CD200R1: variants seen among roughly 807,000 people sequenced by gnomAD.
CD200R1 encodes the protein cell surface glycoprotein CD200 receptor 1.
A neutral mutation model predicts 38.1 loss-of-function variants in CD200R1; 30 were observed. That is an observed-to-expected ratio of 0.79 (90% CI 0.59 to 1.07). CD200R1 has a LOEUF of 1.07. CD200R1 is among the 50% of genes least tolerant of loss of function. The pLI is 0.00. For synonymous variants in CD200R1, 128 were observed against 152.1 expected (o/e 0.84, Z 1.16); for missense variants, 372 against 415.4 (o/e 0.90, Z 0.91).
intron 1 of CD200R1, among the ~76,000 whole-genome samples, chr3:112,972,720 G>A (rs1394091010): frequency 6.6e-6 from 1 of 152,086 alleles, no homozygotes; most frequent in African/African-American, 2.4e-5. Flanking sequence ...GAAGTTATAA[G>A]CAAATAAGTA....
intron 2 of CD200R1, among the ~76,000 whole-genome samples, chr3:112,932,713 A>G (rs766829899): frequency 6.6e-6 from 1 of 152,050 alleles, no homozygotes; most frequent in African/African-American, 2.4e-5. Flanking sequence ...CCAGACCTAC[A>G]TATCAGTTCC....
At chr3:112,924,004 T>G (rs16860239) in intron 7 of CD200R1, among the ~76,000 whole-genome samples, 6 of 151,898 alleles carry the variant, frequency 4.0e-5, no homozygotes, top group African/African-American at 1.4e-4. Context: ...TAAGTCTCTG[T>G]GTGGAGATAA....
At chr3:112,953,639 T>C (rs1194910690) in intron 1 of CD200R1, among the ~76,000 whole-genome samples, 3 of 152,182 alleles carry the variant, frequency 2.0e-5, no homozygotes, top group Non-Finnish European at 4.4e-5. Context: ...ACTGGGCTGT[T>C]CAATTTTTTT....
At chr3:112,937,725 A>T (rs1940618410) in intron 2 of CD200R1, among the ~76,000 whole-genome samples, 1 of 152,160 alleles carries the variant, frequency 6.6e-6, no homozygotes, top group Non-Finnish European at 1.5e-5. Flanking sequence ...TAATTCTGTG[A>T]ACAATGTCAA....
chr3:112,948,717 T>C (rs1940916872), intron 1 of CD200R1, among the ~76,000 whole-genome samples: 1 of 152,210 alleles, frequency 6.6e-6, no homozygotes, highest in South Asian at 2.1e-4. Context: ...ACCCGTGATA[T>C]AGACAATGGC....
intron 2 of CD200R1, among the ~76,000 whole-genome samples, chr3:112,932,351 A>G (rs1407096700): frequency 2.0e-5 from 3 of 152,124 alleles, no homozygotes; most frequent in African/African-American, 7.2e-5. Flanking sequence ...CCAGCCAGAG[A>G]AACAGTCTGG....
intron 1 of CD200R1, 97 bp downstream of exon 1, chr3:112,974,694 A>T: frequency 1.3e-6 from 1 of 797,780 alleles, no homozygotes; most frequent in Non-Finnish European, 2.2e-6. Context: ...TATTATTGCA[A>T]TTGATTTGTA....
chr3:112,946,079 TA>T (rs995807881), intron 2 of CD200R1, among the ~76,000 whole-genome samples: 6 of 140,172 alleles, frequency 4.3e-5, no homozygotes, highest in Non-Finnish European at 3.1e-5. Context: ...AGCCACATAC[TA>T]AAAAAAAAAT....
At chr3:112,960,295 C>A (rs1932985230) in intron 1 of CD200R1, among the ~76,000 whole-genome samples, 1 of 152,012 alleles carries the variant, frequency 6.6e-6, no homozygotes, top group African/African-American at 2.4e-5. Flanking sequence ...ACATGGTTTT[C>A]AAATGAAAAC....
intron 1 of CD200R1, among the ~76,000 whole-genome samples, chr3:112,961,726 GC>G (rs1435876916): frequency 6.6e-6 from 1 of 151,992 alleles, no homozygotes; most frequent in Non-Finnish European, 1.5e-5. Context: ...ATGTTGCCAA[GC>G]AAAAACCTGG....
rs1328090616 is a variant in CD200R1, at chr3:112,924,455, T to C, written c.924+35A>G. 4 of 1,288,868 alleles carry C rather than the reference T, an allele frequency of 3.1e-6. No individual in the cohort carries two copies. The African/African-American group carries it at 4.6e-5, about 15-fold the overall frequency. The allele number at this position is 1,288,868 out of a possible 1,614,324, so 79.8% of individuals were successfully genotyped here. ...TTGCTAGATTTTCAGACTATTGGCT[T>C]AAGTTTGCAATTAGTCTTTTTTATC... On this transcript the variant is annotated intron_variant, in intron 7 of 7. Transcript: ENST00000308611.
chr3:112,925,287 C>T (rs759202366), intron 5 of CD200R1, 94 bp from the exon 6 acceptor site: 171 of 628,550 alleles, frequency 2.7e-4, no homozygotes, highest in Non-Finnish European at 4.3e-4. Context: ...GCTATCAAAC[C>T]ATAAAAAGAC....
chr3:112,924,510 A>T lies in CD200R1; in HGVS notation c.904T>A (p.Ser302Thr). The T allele has an allele frequency of 7.8e-7, 1 of 1,284,348 alleles. No individual in the cohort carries two copies. The highest frequency in any genetic ancestry group is 1.0e-6 in the Non-Finnish European group (1 of 983,756). 79.6% of individuals were successfully genotyped at this position (1,284,348 alleles called of 1,614,324 possible). Residue 302 changes from serine to threonine, a missense_variant, in exon 7 of 8, where the codon TCT (serine) becomes ACT (threonine). Coordinates refer to ENST00000308611, the MANE Select transcript of CD200R1 (RefSeq NM_138806.4). ...CTTACCTCCTCAACAACTGGAGTAG[A>T]TTCTGTTTTATTCAATTTATATTTT... Reference protein sequence around the residue: ...CRKYKLNKTESTPVVEEDEMQ... With the variant: ...CRKYKLNKTETTPVVEEDEMQ...
Position 112,929,050 on chromosome 3 carries a change from T to G in CD200R1, c.535A>C (p.Thr179Pro), listed in dbSNP as rs750072895. 5 of 1,613,846 alleles carry G rather than the reference T, an allele frequency of 3.1e-6. No homozygotes were observed. The South Asian group carries it at 5.5e-5, about 18-fold the overall frequency. ...HLQVLVTPEV[T>P]LFQNRNRTAV... is the part of the protein sequence containing the mutation. ...GTTCTATTCCTGTTTTGAAACAGGGTCACTTCAGGTGTAACTGCAGAGAGG... is the reference window on the plus strand; with the variant it reads ...GTTCTATTCCTGTTTTGAAACAGGGGCACTTCAGGTGTAACTGCAGAGAGG... Residue 179 changes from threonine (T) to proline (P), a missense_variant, in exon 5 of 8, where the codon ACC (threonine) becomes CCC (proline). Physicochemically the swap from Thr to Pro is conservative, Grantham distance 38. Coordinates refer to ENST00000308611, the MANE Select transcript of CD200R1 (RefSeq NM_138806.4).
Position 112,928,947 on chromosome 3 carries a change from T to C in CD200R1, c.638A>G (p.Gln213Arg), listed in dbSNP as rs1940345388. The C allele has an allele frequency of 6.2e-7, 1 of 1,613,942 alleles. No individual in the cohort carries two copies. The highest frequency in any genetic ancestry group is 8.5e-7 in the Non-Finnish European group (1 of 1,180,016). ...CACTGTGCCATTGCTCCAGTATTCT[T>C]GCTTAGTGGCACAATCGCCCTCTGG... The part of the protein sequence containing the change: ...WIPEGDCATK[Q>R]EYWSNGTVTV... The change falls in exon 5 of 8, where the codon CAA (glutamine) becomes CGA (arginine). Residue 213 changes from glutamine (Q) to arginine (R), a missense_variant. Gln to Arg is a conservative substitution (Grantham distance 43, BLOSUM62 1). Coordinates refer to ENST00000308611, the MANE Select transcript of CD200R1 (RefSeq NM_138806.4).
In CD200R1 at chr3:112,925,210, A is replaced by T. The variant is rs1207946116; in HGVS notation, c.770-17T>A. 8.3e-7 allele frequency: 1 copy of T among 1,208,736 alleles called. No homozygotes were observed. The highest frequency in any genetic ancestry group is 1.2e-5 in the South Asian group (1 of 81,096). 74.9% of individuals were successfully genotyped at this position (1,208,736 alleles called of 1,614,324 possible). On this transcript the variant is annotated splice_polypyrimidine_tract_variant and intron_variant, in intron 5 of 7. Coordinates refer to ENST00000308611, the MANE Select transcript of CD200R1 (RefSeq NM_138806.4). ...CACCTGGAACTATAGACACAAAAATATATGGTTCAAATGTGGTACAATCCA... is the reference window on the plus strand; with the variant it reads ...CACCTGGAACTATAGACACAAAAATTTATGGTTCAAATGTGGTACAATCCA...
In CD200R1 at chr3:112,922,555, A is replaced by G. The variant is rs946471492; in HGVS notation, c.*1122T>C. The stretch of plus-strand genomic sequence containing the variant: ...TCACAATAGAATGTACACCATAAAA[A>G]TACACAATTCCAATGTAGCACATCT... On this transcript the variant is annotated 3_prime_UTR_variant, in exon 8 of 8. Coordinates refer to ENST00000308611, the MANE Select transcript of CD200R1 (RefSeq NM_138806.4). The G allele has an allele frequency of 6.6e-6, 1 of 152,006 alleles. No individual in the cohort carries two copies. Among genetic ancestry groups the G allele is most frequent in the Non-Finnish European group, 1.5e-5 (1 of 67,924 alleles). 9.4% of individuals were successfully genotyped at this position (152,006 alleles called of 1,614,324 possible).
At position 112,974,909 on chromosome 3, in the gene CD200R1, T is replaced by TA; in HGVS notation, c.-53dup. On this transcript the variant is annotated 5_prime_UTR_variant, in exon 1 of 8. It introduces an in-frame stop codon into an upstream open reading frame of the 5' UTR. Transcript: ENST00000308611. ...ACTCAGTACTTTTCCTCCACACAGGTACAGAAGGAACTGTGCGCATGGTGA... is the reference window on the plus strand; with the variant it reads ...ACTCAGTACTTTTCCTCCACACAGGTAACAGAAGGAACTGTGCGCATGGTGA... The TA allele has an allele frequency of 7.1e-7, 1 of 1,417,004 alleles. No individual in the cohort carries two copies. The highest frequency in any genetic ancestry group is 1.0e-6 in the Non-Finnish European group (1 of 1,002,318). 87.8% of individuals were successfully genotyped at this position (1,417,004 alleles called of 1,614,324 possible).
intron 2 of CD200R1, among the ~76,000 whole-genome samples, chr3:112,935,775 C>T (rs201171693): frequency 1.3e-5 from 2 of 152,198 alleles, no homozygotes; most frequent in African/African-American, 2.4e-5. Context: ...AAACCAACAA[C>T]AAAAAAGTTT....
Sources: gnomAD v4.1 joint callset for allele counts (sites outside exome capture counted in the v4.1 genomes callset) on GRCh38, gnomAD v4.1.1 for gene constraint, MANE v1.5 for transcripts, NCBI Gene and HGNC (gene_info 2026-07-23, HGNC 2026-07-21) for gene names.